LGR6: variants seen among roughly 807,000 people sequenced by gnomAD.
The protein encoded by LGR6 is leucine rich repeat containing G protein-coupled receptor 6.
A neutral mutation model predicts 69.4 loss-of-function variants in LGR6; 45 were observed. That is an observed-to-expected ratio of 0.65 (90% CI 0.51 to 0.83). The LOEUF (loss-of-function observed/expected upper bound fraction) is 0.83, where lower values mean the gene tolerates loss of function less well. Among genes scored for constraint, LGR6 ranks in the 40% least tolerant of loss-of-function variants. The pLI, the probability that LGR6 is intolerant of heterozygous loss-of-function variation, is 0.00. For synonymous variants in LGR6, 538 were observed against 555.0 expected, an observed-to-expected ratio of 0.97 and a Z score of 0.43; for missense variants, 1,108 against 1,246.7, an observed-to-expected ratio of 0.89 and a Z score of 1.68.
chr1:202,209,483 G>A (rs1226884471), intron 1 of LGR6, among the ~76,000 whole-genome samples: 1 of 152,212 alleles, frequency 6.6e-6, no homozygotes, highest in East Asian at 1.9e-4. Context: ...GCCCTACCAC[G>A]TGGGGAGCGG....
chr1:202,236,072 T>C, intron 4 of LGR6, 79 bp downstream of exon 4: 1 of 1,228,206 alleles, frequency 8.1e-7, no homozygotes, highest in East Asian at 2.3e-5. Flanking sequence ...CTGCCTCAGC[T>C]TTCCCTTCCC....
At chr1:202,206,540 T>C (rs1354192696) in intron 1 of LGR6, among the ~76,000 whole-genome samples, 2 of 152,110 alleles carry the variant, frequency 1.3e-5, no homozygotes, top group African/African-American at 4.8e-5. Flanking sequence ...TTCGGTTGTG[T>C]GTGTGTGTTA....
chr1:202,290,855 ACT>A (rs1334520503), intron 6 of LGR6, among the ~76,000 whole-genome samples: 1 of 152,054 alleles, frequency 6.6e-6, no homozygotes, highest in Non-Finnish European at 1.5e-5. Flanking sequence ...CAGGAGCAAA[ACT>A]CTGTCTCAAA....
intron 1 of LGR6, among the ~76,000 whole-genome samples, chr1:202,204,145 C>T (rs760619036): frequency 6.6e-6 from 1 of 151,874 alleles, no homozygotes; most frequent in Admixed American, 6.6e-5. Flanking sequence ...AGTCTGGGAG[C>T]TTCCTGAAGG....
At chr1:202,197,074 G>A (rs1658667071) in intron 1 of LGR6, 1 of 533,172 alleles carries the variant, frequency 1.9e-6, no homozygotes, top group African/African-American at 1.9e-5. Context: ...GCCATAGACA[G>A]AACTATAGGA....
chr1:202,257,251 T>A (rs1663847217), intron 4 of LGR6, among the ~76,000 whole-genome samples: 2 of 152,202 alleles, frequency 1.3e-5, no homozygotes, highest in Admixed American at 6.5e-5. Context: ...CTGTCTTTTG[T>A]CTTTTTCACT....
intron 4 of LGR6, among the ~76,000 whole-genome samples, chr1:202,254,802 T>C (rs1477015236): frequency 6.6e-6 from 1 of 151,596 alleles, no homozygotes; most frequent in Non-Finnish European, 1.5e-5. Context: ...GGCTCATGCC[T>C]GTGATAGTAT....
At chr1:202,203,875 G>C (rs575178889) in intron 1 of LGR6, 1 of 1,611,912 alleles carries the variant, frequency 6.2e-7, no homozygotes, top group South Asian at 1.1e-5. Context: ...ATCTCTGCCC[G>C]GTGAGTTGTT....
chr1:202,255,629 C>T (rs2148078679), intron 4 of LGR6, among the ~76,000 whole-genome samples: 1 of 152,146 alleles, frequency 6.6e-6, no homozygotes, highest in Admixed American at 6.5e-5. Flanking sequence ...TGCTCTGACT[C>T]ATTGTAGAAA....
chr1:202,200,154 G>A (rs1047381268), intron 1 of LGR6, among the ~76,000 whole-genome samples: 4 of 152,200 alleles, frequency 2.6e-5, no homozygotes, highest in South Asian at 2.1e-4. Flanking sequence ...CTCCTGGGCC[G>A]GGATGGTGGA....
chr1:202,225,533 C>T, intron 2 of LGR6, 39 bp downstream of exon 2: 1 of 1,563,238 alleles, frequency 6.4e-7, no homozygotes, highest in Non-Finnish European at 8.8e-7. Context: ...CAAGCATGGG[C>T]TCTGTCTAAT....
At chr1:202,308,840 T>G (rs1653479120) in intron 14 of LGR6, among the ~76,000 whole-genome samples, 1 of 152,102 alleles carries the variant, frequency 6.6e-6, no homozygotes, top group Non-Finnish European at 1.5e-5. Context: ...AATGAGCAAA[T>G]AAAAGAATGA....
At chr1:202,230,723 C>A (rs1660959162) in intron 3 of LGR6, among the ~76,000 whole-genome samples, 1 of 152,210 alleles carries the variant, frequency 6.6e-6, no homozygotes, top group South Asian at 2.1e-4. Context: ...TTTCTTTCCC[C>A]AGAGCTGGCC....
In LGR6 at chr1:202,300,879, C is replaced by T. The variant is rs1340548015; in HGVS notation, c.816C>T (p.Ile272=). The change falls in exon 8 of 18, where the codon ATC becomes ATT. Residue 272 remains isoleucine (I), a synonymous_variant. Coordinates refer to ENST00000367278, the MANE Select transcript of LGR6 (RefSeq NM_001017403.2). ...LGFHNNNIKA[I]PEKAFMGNPL... ...TCCATAACAACAACATCAAGGCCAT[C>T]CCAGAAAAGGCCTTCATGGGGAACC... is the stretch of plus-strand genomic sequence containing the variant. The T allele has an allele frequency of 6.2e-7, 1 of 1,612,456 alleles. No homozygotes were observed. Among genetic ancestry groups the T allele is most frequent in the Non-Finnish European group, 8.5e-7 (1 of 1,179,370 alleles).
intron 6 of LGR6, among the ~76,000 whole-genome samples, chr1:202,287,073 G>A (rs1029905839): frequency 1.3e-5 from 2 of 152,208 alleles, no homozygotes; most frequent in African/African-American, 2.4e-5. Context: ...CACAGGTTCC[G>A]TAGTAGATGT....
intron 6 of LGR6, among the ~76,000 whole-genome samples, chr1:202,290,823 C>G (rs1047593050): frequency 9.2e-5 from 14 of 152,170 alleles, no homozygotes; most frequent in Non-Finnish European, 2.1e-4. Flanking sequence ...GAGATCGCGC[C>G]ATTGCCCTCC....
At chr1:202,301,142 T>C (rs1225439682) in intron 8 of LGR6, 22 bp from the exon 9 acceptor site, 1 of 1,612,246 alleles carries the variant, frequency 6.2e-7, no homozygotes, top group East Asian at 2.2e-5. Context: ...CCCAATTAGG[T>C]GTTTGGACCT....
chr1:202,306,420 C>T (rs1176916601), intron 12 of LGR6, among the ~76,000 whole-genome samples: 2 of 152,260 alleles, frequency 1.3e-5, no homozygotes, highest in African/African-American at 4.8e-5. Context: ...TGTCTAGGTG[C>T]CAAGGGAAGG....
rs912941553 is a variant in LGR6 at position 202,239,474 on chromosome 1, T to G, written c.428+3481T>G. Reference sequence around the variant, plus strand: ...ACCTGAAAAGTAGGGAGGACCTTGCTAAGGATTTGGACTTTATTCTTAAGA... The same window carrying G: ...ACCTGAAAAGTAGGGAGGACCTTGCGAAGGATTTGGACTTTATTCTTAAGA... On this transcript the variant is annotated intron_variant, in intron 4 of 17. Transcript: ENST00000367278. Among the ~76,000 whole-genome samples, 3 of 151,920 alleles carry G rather than the reference T, an allele frequency of 2.0e-5. No individual in the cohort carries two copies. In the East Asian group the frequency reaches 5.8e-4, roughly 29 times the overall value.
Sources: allele counts gnomAD v4.1 joint callset (sites outside exome capture counted in the v4.1 genomes callset), GRCh38; gene constraint gnomAD v4.1.1; transcripts MANE v1.5; gene names NCBI Gene and HGNC (gene_info 2026-07-23, HGNC 2026-07-21).